TFCP2L1: variants seen among roughly 807,000 people sequenced by gnomAD.
TFCP2L1 encodes transcription factor CP2 like 1.
In TFCP2L1, 12 loss-of-function variants were observed where a neutral mutation model predicts 72.2. The ratio of observed to expected loss-of-function variants is 0.17; its 90% confidence interval spans 0.11 to 0.27. TFCP2L1 has a LOEUF of 0.27. TFCP2L1 is among the 10% of genes least tolerant of loss of function. The pLI, the probability that TFCP2L1 is intolerant of heterozygous loss-of-function variation, is 1.00. For synonymous variants in TFCP2L1, 260 were observed against 251.0 expected, an observed-to-expected ratio of 1.04 and a Z score of -0.34; for missense variants, 488 against 624.6, an observed-to-expected ratio of 0.78 and a Z score of 2.33.
intron 13 of TFCP2L1, among the ~76,000 whole-genome samples, chr2:121,226,896 C>T (rs1479441272): frequency 6.6e-6 from 1 of 152,146 alleles, no homozygotes; most frequent in Non-Finnish European, 1.5e-5. Flanking sequence ...AAGTCATGAG[C>T]CCTGGACAAA....
intron 2 of TFCP2L1, among the ~76,000 whole-genome samples, chr2:121,263,535 A>T (rs914217656): frequency 6.6e-6 from 1 of 151,650 alleles, no homozygotes; most frequent in African/African-American, 2.4e-5. Flanking sequence ...CACTTGTAAC[A>T]GTTACGAGAA....
chr2:121,224,280 T>A lies in TFCP2L1; in HGVS notation c.*61A>T. ...GGCCACAGCTTACAGTGGGGCAATG[T>A]CTACATCCACGGGGATCCACAGGGC... is the stretch of plus-strand genomic sequence containing the variant. On this transcript the variant is annotated 3_prime_UTR_variant, in exon 15 of 15. Transcript: ENST00000263707. 6.3e-7 allele frequency: 1 copy of A among 1,599,360 alleles called. No homozygotes were observed. The highest frequency in any genetic ancestry group is 1.1e-5 in the South Asian group (1 of 89,546).
At chr2:121,254,370 T>C (rs779302771) in intron 2 of TFCP2L1, among the ~76,000 whole-genome samples, 6 of 152,046 alleles carry the variant, frequency 3.9e-5, no homozygotes, top group South Asian at 2.1e-4. Flanking sequence ...AAGTGAGCAA[T>C]AGGTATCCAG....
Position 121,276,943 on chromosome 2 carries a change from G to GA in TFCP2L1, c.214+4176dup, listed in dbSNP as rs34073428. Reference sequence around the variant, plus strand: ...TAGACATTTAAAATAGATCTCTACAGAAAAAAAAAAAAATCACAACATATA... The same window carrying GA: ...TAGACATTTAAAATAGATCTCTACAGAAAAAAAAAAAAAATCACAACATATA... On this transcript the variant is annotated intron_variant, in intron 2 of 14. Transcript: ENST00000263707. Among the ~76,000 whole-genome samples, 3,488 of 134,584 alleles carry GA rather than the reference G, an allele frequency of 0.026. 217 individuals are homozygous for GA. The East Asian group carries it at 0.29, about 11-fold the overall frequency. The allele number at this position is 134,584 out of a possible 152,430, so 88.3% of individuals were successfully genotyped here.
chr2:121,282,139 G>A (rs1338803616), intron 1 of TFCP2L1, among the ~76,000 whole-genome samples: 1 of 151,744 alleles, frequency 6.6e-6, no homozygotes, highest in Non-Finnish European at 1.5e-5. Flanking sequence ...CACCATGTTG[G>A]TCAGGCTGGT....
intron 2 of TFCP2L1, among the ~76,000 whole-genome samples, chr2:121,268,006 A>T (rs542479607): frequency 6.6e-6 from 1 of 152,320 alleles, no homozygotes. Flanking sequence ...TATAAAATAT[A>T]TGTTAGCCAG....
intron 2 of TFCP2L1, among the ~76,000 whole-genome samples, chr2:121,265,694 G>T (rs1425732962): frequency 6.6e-6 from 1 of 151,982 alleles, no homozygotes; most frequent in Non-Finnish European, 1.5e-5. Flanking sequence ...ATGTTAGCCA[G>T]GCTGGTCTCG....
chr2:121,220,841 TTATTATTTTC>T lies in TFCP2L1; in HGVS notation c.*3490_*3499del, dbSNP rs1341672936. ...TACCATGTGTACTTTTTTTTGGTAT[TTATTATTTTC>T]TATTCTTTCATAAGCTATAAGCTTT... On this transcript the variant is annotated 3_prime_UTR_variant, in exon 15 of 15. Transcript: ENST00000263707. 6.6e-6 allele frequency: 1 copy of T among 152,196 alleles called. No homozygotes were observed. The highest frequency in any genetic ancestry group is 1.5e-5 in the Non-Finnish European group (1 of 68,040). 9.4% of individuals were successfully genotyped at this position (152,196 alleles called of 1,614,324 possible).
chr2:121,262,436 C>G (rs1260990557), intron 2 of TFCP2L1, among the ~76,000 whole-genome samples: 3 of 152,062 alleles, frequency 2.0e-5, no homozygotes, highest in Non-Finnish European at 4.4e-5. Context: ...TGCACTCCAG[C>G]CTGGGTGACA....
At chr2:121,275,948 C>T (rs1401077175) in intron 2 of TFCP2L1, among the ~76,000 whole-genome samples, 1 of 152,180 alleles carries the variant, frequency 6.6e-6, no homozygotes, top group South Asian at 2.1e-4. Flanking sequence ...CTGAGAGGAA[C>T]CTCTCTGACA....
rs1011305468 is a variant in TFCP2L1 at position 121,219,134 on chromosome 2, G to C, written c.*5207C>G. 1 of 152,300 alleles carries C rather than the reference G, an allele frequency of 6.6e-6. No individual in the cohort carries two copies. The highest frequency in any genetic ancestry group is 2.4e-5 in the African/African-American group (1 of 41,430). 9.4% of individuals were successfully genotyped at this position (152,300 alleles called of 1,614,324 possible). ...TCTAGAGACCTTGCCCTGCTCTGGG[G>C]GCCTTGCCCAGTGCCACTTACACTG... is the stretch of plus-strand genomic sequence containing the variant. On this transcript the variant is annotated 3_prime_UTR_variant, in exon 15 of 15. Transcript: ENST00000263707.
intron 2 of TFCP2L1, among the ~76,000 whole-genome samples, chr2:121,276,943 G>GAAA (rs34073428): frequency 3.0e-5 from 4 of 134,904 alleles, no homozygotes; most frequent in African/African-American, 1.1e-4. Flanking sequence ...GATCTCTACA[G>GAAA]AAAAAAAAAA....
At chr2:121,228,353 A>G (rs1686073166) in intron 13 of TFCP2L1, among the ~76,000 whole-genome samples, 1 of 152,150 alleles carries the variant, frequency 6.6e-6, no homozygotes, top group African/African-American at 2.4e-5. Flanking sequence ...GTGACACTAC[A>G]GCTGTCCACT....
intron 5 of TFCP2L1, 120 bp downstream of exon 5, chr2:121,248,044 C>T (rs1686525231): frequency 1.4e-6 from 1 of 718,024 alleles, no homozygotes; most frequent in Non-Finnish European, 2.3e-6. Context: ...AGTTTCCTTC[C>T]CAGTGACAGG....
chr2:121,232,096 C>T (rs1057404836), intron 12 of TFCP2L1, 128 bp from the exon 13 acceptor site: 104 of 937,332 alleles, frequency 1.1e-4, no homozygotes, highest in Admixed American at 4.7e-4. Context: ...GGCAGGACCA[C>T]ACTGCCACTC....
rs1213289004 is a variant in TFCP2L1 at position 121,266,333 on chromosome 2, G to T, written c.214+14787C>A. Among the ~76,000 whole-genome samples the T allele has an allele frequency of 3.3e-5, 5 of 152,106 alleles. No individual in the cohort carries two copies. In the East Asian group the frequency reaches 9.6e-4, roughly 29 times the overall value. On this transcript the variant is annotated intron_variant, in intron 2 of 14. Transcript: ENST00000263707. ...AAAATTGCCAAAGTTAGTGGCAGAA[G>T]GAAAGTAACACTTACTGAGACCCTA...
At chr2:121,275,886 A>C (rs1045077683) in intron 2 of TFCP2L1, among the ~76,000 whole-genome samples, 15 of 152,364 alleles carry the variant, frequency 9.8e-5, no homozygotes, top group African/African-American at 3.4e-4. Context: ...GGAAGTCTTA[A>C]CGGTTATAAC....
At chr2:121,243,954 G>T (rs1445512283) in intron 6 of TFCP2L1, among the ~76,000 whole-genome samples, 1 of 152,146 alleles carries the variant, frequency 6.6e-6, no homozygotes, top group African/African-American at 2.4e-5. Context: ...TGCCAAAAAG[G>T]TTGGGGCCCC....
At chr2:121,249,163 A>G in intron 3 of TFCP2L1, 76 bp from the exon 4 acceptor site, 1 of 1,182,432 alleles carries the variant, frequency 8.5e-7, no homozygotes, top group Non-Finnish European at 1.2e-6. Context: ...CCTGAGCCAC[A>G]GTAAACCCTC....
Sources: allele counts gnomAD v4.1 joint callset (sites outside exome capture counted in the v4.1 genomes callset), GRCh38; gene constraint gnomAD v4.1.1; transcripts MANE v1.5; gene names NCBI Gene and HGNC (gene_info 2026-07-23, HGNC 2026-07-21).